The following C6 variants were observed in gnomAD, a reference collection of about 807,000 sequenced individuals.
C6 encodes the protein complement component C6.
In C6, 101 loss-of-function variants were observed where a neutral mutation model predicts 112.9. That is an observed-to-expected ratio of 0.89 (90% CI 0.76 to 1.06). The LOEUF is 1.06. Among genes scored for constraint, C6 ranks in the 50% least tolerant of loss-of-function variants. C6 has a pLI of 0.00. For synonymous variants in C6, 431 were observed against 384.1 expected, an observed-to-expected ratio of 1.12 and a Z score of -1.43; for missense variants, 1,202 against 1,104.6, an observed-to-expected ratio of 1.09 and a Z score of -1.25.
rs772459214 is a variant in C6, at chr5:41,203,141, A to G, written c.90T>C (p.Thr30=). Residue 30 remains threonine, a synonymous_variant, in exon 2 of 18, where the codon ACT becomes ACC. Transcript: ENST00000337836. ...QACFCDHYAW[T]QWTSCSKTCN... Reference sequence around the variant, plus strand: ...AAGTTTTTGAGCAGCTGGTCCACTGAGTCCATGCATAGTGATCACAGAAGC... The same window carrying G: ...AAGTTTTTGAGCAGCTGGTCCACTGGGTCCATGCATAGTGATCACAGAAGC... 5.0e-6 allele frequency: 8 copies of G among 1,614,118 alleles called. No individual in the cohort carries two copies. The highest frequency in any genetic ancestry group is 5.9e-6 in the Non-Finnish European group (7 of 1,179,972).
intron 1 of C6, among the ~76,000 whole-genome samples, chr5:41,249,281 T>G (rs531429779): frequency 6.6e-6 from 1 of 152,110 alleles, no homozygotes; most frequent in East Asian, 1.9e-4. Flanking sequence ...TCCCTGAATC[T>G]AAAATACAAG....
At chr5:41,182,386 T>TTAAG (rs1355824378) in intron 6 of C6, among the ~76,000 whole-genome samples, 1 of 152,118 alleles carries the variant, frequency 6.6e-6, no homozygotes, top group East Asian at 1.9e-4. Flanking sequence ...TGGCACTGTT[T>TTAAG]TAAGACACTG....
At chr5:41,199,979 C>G in intron 3 of C6, 67 bp from the exon 4 acceptor site, 1 of 1,459,116 alleles carries the variant, frequency 6.9e-7, no homozygotes, top group Non-Finnish European at 9.6e-7. Flanking sequence ...CCTAAGAAAA[C>G]TGGGCTCCTC....
rs1391219287 is a variant in C6, at chr5:41,218,569, G to A, written c.-20-15319C>T. On this transcript the variant is annotated intron_variant, in intron 1 of 17. Coordinates refer to the C6 transcript ENST00000263413. ...CTGCCTCTTTTTTTCCTGGGTCTATGCTTTCTTGAAGAAAATCTGTCCAGC... is the reference window on the plus strand; with the variant it reads ...CTGCCTCTTTTTTTCCTGGGTCTATACTTTCTTGAAGAAAATCTGTCCAGC... 3.3e-5 allele frequency among the ~76,000 whole-genome samples: 5 copies of A among 151,956 alleles called. No individual in the cohort carries two copies. The East Asian group carries it at 9.7e-4, about 29-fold the overall frequency.
chr5:41,160,027 G>T, intron 11 of C6, 115 bp downstream of exon 11: 7 of 814,644 alleles, frequency 8.6e-6, no homozygotes, highest in Non-Finnish European at 1.5e-5. Flanking sequence ...TTCCCTCTGA[G>T]CCTGTACAAG....
intron 9 of C6, among the ~76,000 whole-genome samples, chr5:41,163,151 A>T (rs966108346): frequency 1.0e-4 from 15 of 149,574 alleles, no homozygotes; most frequent in African/African-American, 3.8e-4. Context: ...AATGCCAATA[A>T]TGCAAACAAA....
At chr5:41,252,087 G>A (rs1275671993) in intron 1 of C6, among the ~76,000 whole-genome samples, 1 of 152,180 alleles carries the variant, frequency 6.6e-6, no homozygotes, top group Non-Finnish European at 1.5e-5. Context: ...TGCAAATTCA[G>A]ATACCTAAGA....
chr5:41,250,953 ATAAT>A (rs1228254501), intron 1 of C6, among the ~76,000 whole-genome samples: 2 of 152,218 alleles, frequency 1.3e-5, no homozygotes, highest in African/African-American at 4.8e-5. Flanking sequence ...TATAAAGAAA[ATAAT>A]TTGACACATT....
rs375585959 is a variant in C6, at chr5:41,142,786, G to T, written c.*39C>A. 5.9e-6 allele frequency: 9 copies of T among 1,524,208 alleles called. No individual in the cohort carries two copies. The African/African-American group carries it at 1.1e-4, about 19-fold the overall frequency. 94.4% of individuals were successfully genotyped at this position (1,524,208 alleles called of 1,614,324 possible). ...TTGTAGGAGTTGGTTCTTCGGGATG[G>T]TAAATCTGTTCATTGTGCTGGGCCT... On this transcript the variant is annotated 3_prime_UTR_variant, in exon 18 of 18. Transcript: ENST00000337836.
At chr5:41,171,086 G>A (rs780481214) in intron 9 of C6, among the ~76,000 whole-genome samples, 3 of 152,152 alleles carry the variant, frequency 2.0e-5, no homozygotes, top group Non-Finnish European at 4.4e-5. Context: ...CACTTAGGGG[G>A]CTTCTAAGAT....
intron 5 of C6, among the ~76,000 whole-genome samples, chr5:41,189,070 G>T (rs1236222080): frequency 6.6e-6 from 1 of 151,934 alleles, no homozygotes; most frequent in African/African-American, 2.4e-5. Context: ...TCAAACCTGC[G>T]ATGAGATACC....
At chr5:41,204,387 T>C (rs1751260501) in intron 1 of C6, among the ~76,000 whole-genome samples, 1 of 152,196 alleles carries the variant, frequency 6.6e-6, no homozygotes, top group African/African-American at 2.4e-5. Context: ...ACAAATTTAA[T>C]AGTAGCTGTT....
chr5:41,182,374 A>T (rs1234805437), intron 6 of C6, among the ~76,000 whole-genome samples: 1 of 151,644 alleles, frequency 6.6e-6, no homozygotes, highest in Non-Finnish European at 1.5e-5. Context: ...GTACAGTATG[A>T]GTGGCACTGT....
At chr5:41,254,935 T>C (rs1416954089) in intron 1 of C6, among the ~76,000 whole-genome samples, 1 of 152,252 alleles carries the variant, frequency 6.6e-6, no homozygotes, top group Non-Finnish European at 1.5e-5. Flanking sequence ...TGTGTCACTT[T>C]AAATTTTGCA....
intron 1 of C6, among the ~76,000 whole-genome samples, chr5:41,211,691 C>G (rs529226189): frequency 6.6e-6 from 1 of 152,076 alleles, no homozygotes; most frequent in African/African-American, 2.4e-5. Context: ...CATACAGGGA[C>G]CTTTTCAGCA....
intron 6 of C6, among the ~76,000 whole-genome samples, chr5:41,182,254 T>C (rs1030343833): frequency 6.0e-5 from 9 of 149,084 alleles, no homozygotes; most frequent in African/African-American, 2.0e-4. Flanking sequence ...ATATGTCACT[T>C]CCCCCCGCCC....
intron 13 of C6, 43 bp downstream of exon 13, chr5:41,158,631 G>T: frequency 9.2e-7 from 1 of 1,088,952 alleles, no homozygotes; most frequent in South Asian, 1.2e-5. Flanking sequence ...ACTTTTCGAG[G>T]TTTTTAAAAC....
chr5:41,148,992 C>T (rs757400125), intron 17 of C6, among the ~76,000 whole-genome samples: 31 of 152,090 alleles, frequency 2.0e-4, no homozygotes, highest in Non-Finnish European at 4.3e-4. Flanking sequence ...CCACTGGGGC[C>T]TAAGGGTGGT....
At chr5:41,229,004 A>G (rs1377670793) in intron 1 of C6, among the ~76,000 whole-genome samples, 1 of 152,020 alleles carries the variant, frequency 6.6e-6, no homozygotes, top group African/African-American at 2.4e-5. Flanking sequence ...CTAGCTATTT[A>G]TTTGGGAGGC....
Sources: allele counts gnomAD v4.1 joint callset (sites outside exome capture counted in the v4.1 genomes callset), GRCh38; gene constraint gnomAD v4.1.1; transcripts MANE v1.5; gene names NCBI Gene and HGNC (gene_info 2026-07-23, HGNC 2026-07-21).